Variants in TRPM8 observed in about 807,000 individuals in gnomAD.
The protein encoded by TRPM8 is TRPM8 cationic channel.
In TRPM8, 110 loss-of-function variants were observed where a neutral mutation model predicts 133.7. That is an observed-to-expected ratio of 0.82 (90% CI 0.70 to 0.96). TRPM8 has a LOEUF of 0.96. TRPM8 is among the 40% of genes least tolerant of loss of function. The pLI is 0.00. For synonymous variants in TRPM8, 535 were observed against 532.3 expected, an observed-to-expected ratio of 1.01 and a Z score of -0.07; for missense variants, 1,291 against 1,379.5, an observed-to-expected ratio of 0.94 and a Z score of 1.02.
At position 233,927,708 on chromosome 2, in the gene TRPM8, CT is replaced by C. The variant is rs1691548147; in HGVS notation, c.117+1055del. On this transcript the variant is annotated intron_variant, in intron 2 of 25. Coordinates refer to ENST00000324695, the MANE Select transcript of TRPM8 (RefSeq NM_024080.5). ...CAGAGCCCTGGAAGACAGAGTCTGT[CT>C]CTTTCTTTCTTTCTTTCTTTCTTTC... Among the ~76,000 whole-genome samples the C allele has an allele frequency of 2.3e-4, 19 of 81,446 alleles. No homozygotes were observed. In the East Asian group the frequency reaches 3.4e-3, roughly 15 times the overall value. 53.4% of individuals were successfully genotyped at this position (81,446 alleles called of 152,430 possible).
chr2:233,999,866 G>A (rs1032344904), intron 22 of TRPM8, among the ~76,000 whole-genome samples: 1 of 152,114 alleles, frequency 6.6e-6, no homozygotes, highest in South Asian at 2.1e-4. Context: ...GGCTGAACCC[G>A]GGGAGACTTT....
chr2:233,980,887 C>G (rs923983159), intron 18 of TRPM8, among the ~76,000 whole-genome samples: 2 of 152,148 alleles, frequency 1.3e-5, no homozygotes, highest in African/African-American at 2.4e-5. Flanking sequence ...TGCATCCTAA[C>G]TGGCCTGTCG....
At chr2:233,943,554 A>G (rs565550261) in intron 6 of TRPM8, among the ~76,000 whole-genome samples, 1 of 152,320 alleles carries the variant, frequency 6.6e-6, no homozygotes, top group East Asian at 1.9e-4. Flanking sequence ...GGCTACACTC[A>G]CAGAAATTCA....
rs1692130563 is a variant in TRPM8, at chr2:233,985,737, G to A, written c.2811G>A (p.Lys937=). The A allele has an allele frequency of 6.2e-7, 1 of 1,614,096 alleles. No homozygotes were observed. The highest frequency in any genetic ancestry group is 1.7e-5 in the Admixed American group (1 of 60,002). Residue 937 remains lysine (K), a synonymous_variant, in exon 21 of 26, where the codon AAG becomes AAA. Transcript: ENST00000324695. ...AHCTFTGNES[K]PLCVELDEHN... is the part of the protein sequence containing the mutation. The stretch of plus-strand genomic sequence containing the variant: ...GCACCTTCACTGGGAATGAGTCCAA[G>A]CCACTGTGTGTGGAGCTGGATGAGC...
At chr2:233,965,898 G>T in intron 14 of TRPM8, 1 of 151,544 alleles carries the variant, frequency 6.6e-6, no homozygotes. Flanking sequence ...GCCCAGGCCG[G>T]AGAACAATGG....
At chr2:233,924,028 A>G (rs1413857542) in intron 1 of TRPM8, among the ~76,000 whole-genome samples, 2 of 151,694 alleles carry the variant, frequency 1.3e-5, no homozygotes, top group African/African-American at 4.8e-5. Context: ...AAAAACAACT[A>G]CTTTTACAGT....
chr2:233,989,812 T>C lies in TRPM8; in HGVS notation c.2939+3947T>C, dbSNP rs1303678159. Among the ~76,000 whole-genome samples the C allele has an allele frequency of 2.6e-5, 4 of 152,162 alleles. No individual in the cohort carries two copies. The highest frequency in any genetic ancestry group is 9.7e-5 in the African/African-American group (4 of 41,434). On this transcript the variant is annotated intron_variant, in intron 21 of 25. Transcript: ENST00000324695. The surrounding 1 kb of genome is among the most constrained non-coding windows in gnomAD (Gnocchi z 4.2). ...TTAAAATTATCGATCACAGGGCCTG[T>C]GTGGCTTATCAGCGGCAGGAAGTGA...
At chr2:234,005,165 T>C (rs571381349) in intron 22 of TRPM8, among the ~76,000 whole-genome samples, 2 of 152,138 alleles carry the variant, frequency 1.3e-5, no homozygotes. Flanking sequence ...ATATTGGCTG[T>C]CCCCCCTCCT....
At chr2:233,963,206 G>C (rs1026108611) in intron 12 of TRPM8, 76 bp from the exon 13 acceptor site, 92 of 893,736 alleles carry the variant, frequency 1.0e-4, no homozygotes, top group Non-Finnish European at 1.5e-4. Flanking sequence ...TCCAAACATG[G>C]GCTACTCTCC....
chr2:233,998,406 C>G (rs1258412787), intron 22 of TRPM8, among the ~76,000 whole-genome samples: 2 of 152,222 alleles, frequency 1.3e-5, no homozygotes, highest in African/African-American at 2.4e-5. Flanking sequence ...GGGTGACCAT[C>G]TCGTTGTAGT....
At chr2:233,955,061 G>A in intron 10 of TRPM8, 71 bp from the exon 11 acceptor site, 2 of 1,095,394 alleles carry the variant, frequency 1.8e-6, no homozygotes, top group Non-Finnish European at 2.8e-6. Flanking sequence ...CTGATAATTG[G>A]CCACACTGAA....
rs888817030 is a variant in TRPM8, at chr2:234,017,430, T to C, written c.*174T>C. The C allele has an allele frequency of 2.6e-5, 12 of 465,708 alleles. No homozygotes were observed. Among genetic ancestry groups the C allele is most frequent in the African/African-American group, 2.4e-4 (12 of 49,764 alleles). The allele number at this position is 465,708 out of a possible 1,614,324, so 28.8% of individuals were successfully genotyped here. ...GAGACCTTGAGAATAAAGTGTGTGA[T>C]TGGTTTCATACTTGAAGACGGATAT... On this transcript the variant is annotated 3_prime_UTR_variant, in exon 26 of 26. Coordinates refer to ENST00000324695, the MANE Select transcript of TRPM8 (RefSeq NM_024080.5).
In TRPM8 at chr2:233,981,800, T is replaced by G; in HGVS notation, c.2474T>G (p.Leu825Trp). The change falls in exon 19 of 26, where the codon TTG becomes TGG. Residue 825 changes from leucine to tryptophan, a missense_variant. Leu to Trp is a moderately conservative substitution (Grantham distance 61). Coordinates refer to ENST00000324695, the MANE Select transcript of TRPM8 (RefSeq NM_024080.5). ...CTCCACTCTTCTAATAAAAGCTCTT[T>G]GTATTCTGGACGAGTCATTTTCTGT... ...FRLHSSNKSSLYSGRVIFCLD... is the reference protein window; with the variant it reads ...FRLHSSNKSSWYSGRVIFCLD... 6.2e-7 allele frequency: 1 copy of G among 1,612,954 alleles called. No individual in the cohort carries two copies. The highest frequency in any genetic ancestry group is 8.5e-7 in the Non-Finnish European group (1 of 1,179,640).
chr2:233,985,680 AT>A lies in TRPM8; in HGVS notation c.2762-7del, dbSNP rs1217793636. 1 of 1,611,838 alleles carries A rather than the reference AT, an allele frequency of 6.2e-7. No homozygotes were observed. The highest frequency in any genetic ancestry group is 8.5e-7 in the Non-Finnish European group (1 of 1,178,394). ...CCTCACTTTGCCTGTTGGTTTCTAC[AT>A]CCTCAGGTACCACGTATGACTTTGC... On this transcript the variant is annotated splice_polypyrimidine_tract_variant and splice_region_variant and intron_variant, in intron 20 of 25. Transcript: ENST00000324695.
chr2:234,014,002 T>G (rs1688224816), intron 24 of TRPM8, among the ~76,000 whole-genome samples: 1 of 152,192 alleles, frequency 6.6e-6, no homozygotes, highest in South Asian at 2.1e-4. Context: ...ATATGACATG[T>G]AATTTAAAAT....
chr2:233,959,378 G>T (rs1366231367), intron 11 of TRPM8, among the ~76,000 whole-genome samples: 2 of 140,666 alleles, frequency 1.4e-5, no homozygotes, highest in Admixed American at 7.5e-5. Context: ...CCAAGCTGGA[G>T]TGCAGAGGTG....
In TRPM8 at chr2:233,954,022, G is replaced by A. The variant is rs1051210410; in HGVS notation, c.1243+3G>A. 1 of 1,580,856 alleles carries A rather than the reference G, an allele frequency of 6.3e-7. No individual in the cohort carries two copies. The highest frequency in any genetic ancestry group is 1.8e-5 in the Admixed American group (1 of 55,412). The stretch of plus-strand genomic sequence containing the variant: ...CATCTCCTACGCTCTATACAAAGGT[G>A]AGTAAAAATAGCTCCTTTTGAAGTG... On this transcript the variant is annotated splice_donor_region_variant and intron_variant, in intron 10 of 25. Transcript: ENST00000324695.
At chr2:233,947,367 C>A (rs1415393964) in intron 8 of TRPM8, 1 of 1,529,048 alleles carries the variant, frequency 6.5e-7, no homozygotes, top group African/African-American at 1.4e-5. Flanking sequence ...CATGAATAAC[C>A]TGTGTACTTA....
intron 24 of TRPM8, among the ~76,000 whole-genome samples, chr2:234,009,475 C>T (rs1692777331): frequency 6.6e-6 from 1 of 152,052 alleles, no homozygotes; most frequent in East Asian, 1.9e-4. Context: ...GGACAGGGTG[C>T]GAGCCTTGGC....
Sources: allele counts gnomAD v4.1 joint callset (sites outside exome capture counted in the v4.1 genomes callset), GRCh38; gene constraint gnomAD v4.1.1; non-coding constraint Gnocchi (gnomAD v3.1); transcripts MANE v1.5; gene names NCBI Gene and HGNC (gene_info 2026-07-23, HGNC 2026-07-21).